TTLL5: variants seen among roughly 807,000 people sequenced by gnomAD.
TTLL5 encodes the protein tubulin polyglutamylase TTLL5.
TTLL5 carries 132 observed loss-of-function variants against 168.4 expected under a neutral mutation model. That is an observed-to-expected ratio of 0.78 (90% confidence interval 0.68 to 0.91). The LOEUF (loss-of-function observed/expected upper bound fraction) is 0.91, where lower values mean the gene tolerates loss of function less well. Among genes scored for constraint, TTLL5 ranks in the 40% least tolerant of loss-of-function variants. The pLI is 0.00. For missense variants in TTLL5, 1,545 were observed against 1,581.5 expected (o/e 0.98, Z 0.39); for synonymous variants, 546 against 558.6 (o/e 0.98, Z 0.32).
chr14:75,690,427 C>A, intron 6 of TTLL5, 105 bp downstream of exon 6: 1 of 1,374,144 alleles, frequency 7.3e-7, no homozygotes, highest in Non-Finnish European at 9.7e-7. Flanking sequence ...TTTCCAAATC[C>A]TTAGACAACT....
At chr14:75,943,794 T>A (rs1423441593) in intron 31 of TTLL5, among the ~76,000 whole-genome samples, 1 of 152,186 alleles carries the variant, frequency 6.6e-6, no homozygotes, top group African/African-American at 2.4e-5. Flanking sequence ...TTTTCTCATA[T>A]GTTTAGAGAA....
chr14:75,888,935 G>GAAAAAA (rs10680423), intron 30 of TTLL5, among the ~76,000 whole-genome samples: 6 of 145,572 alleles, frequency 4.1e-5, no homozygotes, highest in Admixed American at 4.1e-4. Flanking sequence ...GACTGTCTCC[G>GAAAAAA]AAAAAAAAAA....
intron 31 of TTLL5, among the ~76,000 whole-genome samples, chr14:75,914,033 A>AAAAATATATATATATAT: frequency 4.2e-5 from 3 of 71,100 alleles, no homozygotes; most frequent in African/African-American, 3.1e-4. Flanking sequence ...AAAAAAAAAA[A>AAAAATATATATATATAT]ATATATATAT....
chr14:75,720,474 G>A, intron 11 of TTLL5, 122 bp from the exon 12 acceptor site: 1 of 726,950 alleles, frequency 1.4e-6, no homozygotes, highest in Non-Finnish European at 2.3e-6. Context: ...TCAGAAGTCT[G>A]CCATATAGAG....
intron 28 of TTLL5, among the ~76,000 whole-genome samples, chr14:75,858,433 TTCTG>T (rs1243687723): frequency 1.3e-5 from 2 of 152,246 alleles, no homozygotes; most frequent in Admixed American, 6.5e-5. Context: ...CTTTTTAATA[TTCTG>T]TCTGACAAAA....
intron 18 of TTLL5, among the ~76,000 whole-genome samples, chr14:75,760,601 A>G (rs1221258862): frequency 1.3e-5 from 2 of 152,096 alleles, no homozygotes; most frequent in Admixed American, 6.5e-5. Context: ...GATATTGGCA[A>G]ACTGATCACA....
chr14:75,936,590 C>G (rs953472491), intron 31 of TTLL5, among the ~76,000 whole-genome samples: 10 of 152,154 alleles, frequency 6.6e-5, no homozygotes, highest in Non-Finnish European at 1.2e-4. Context: ...CAGCAGTGAC[C>G]ACAGAGTGAG....
intron 29 of TTLL5, among the ~76,000 whole-genome samples, chr14:75,874,906 A>T (rs1360570581): frequency 3.5e-5 from 5 of 144,662 alleles, no homozygotes; most frequent in Admixed American, 3.4e-4. Context: ...TGTTTGTGAC[A>T]CAGAGAAAAA....
intron 9 of TTLL5, chr14:75,711,436 AT>A (rs544805592): frequency 4.0e-4 from 61 of 152,322 alleles, no homozygotes; most frequent in African/African-American, 1.3e-3. Flanking sequence ...TGGATCCAGT[AT>A]TGGGTTTAGA....
intron 29 of TTLL5, among the ~76,000 whole-genome samples, chr14:75,873,530 A>T (rs1017317542): frequency 1.3e-5 from 2 of 152,134 alleles, no homozygotes; most frequent in Admixed American, 1.3e-4. Context: ...AGATTCTTTT[A>T]CTTAGCATAA....
At chr14:75,725,401 A>G (rs1040239688) in intron 12 of TTLL5, among the ~76,000 whole-genome samples, 1 of 152,178 alleles carries the variant, frequency 6.6e-6, no homozygotes, top group African/African-American at 2.4e-5. Flanking sequence ...TACAGAAGAA[A>G]CTTATGTAGG....
intron 29 of TTLL5, among the ~76,000 whole-genome samples, chr14:75,876,424 T>C (rs1048540435): frequency 6.6e-6 from 1 of 152,214 alleles, no homozygotes; most frequent in African/African-American, 2.4e-5. Context: ...CATCTGTCTT[T>C]GTATCCTTTA....
chr14:75,866,320 C>T (rs992191642), intron 29 of TTLL5, among the ~76,000 whole-genome samples: 1 of 152,004 alleles, frequency 6.6e-6, no homozygotes, highest in African/African-American at 2.4e-5. Context: ...CTGGGGTTAC[C>T]CTTTAGATAG....
chr14:75,681,965 G>A (rs1271311587), intron 4 of TTLL5, among the ~76,000 whole-genome samples: 2 of 152,040 alleles, frequency 1.3e-5, no homozygotes, highest in Non-Finnish European at 2.9e-5. Context: ...GAAATGGCAG[G>A]TGGATCCCAA....
At chr14:75,834,589 C>A (rs922814179) in intron 28 of TTLL5, among the ~76,000 whole-genome samples, 6 of 152,322 alleles carry the variant, frequency 3.9e-5, no homozygotes, top group Admixed American at 6.5e-5. Context: ...CCATCCCAGG[C>A]AGTCTAAATA....
At chr14:75,875,840 G>T (rs1054827439) in intron 29 of TTLL5, among the ~76,000 whole-genome samples, 1 of 152,192 alleles carries the variant, frequency 6.6e-6, no homozygotes. Flanking sequence ...AAATAAGTTT[G>T]TATATGCATA....
intron 30 of TTLL5, among the ~76,000 whole-genome samples, chr14:75,890,372 CA>C (rs1207737409): frequency 1.3e-4 from 20 of 152,062 alleles, no homozygotes; most frequent in African/African-American, 4.8e-4. Flanking sequence ...TAGTTTGGGT[CA>C]GGGGAACCCA....
At chr14:75,782,721 C>T (rs1892129430) in intron 25 of TTLL5, 148 bp downstream of exon 25, 1 of 747,268 alleles carries the variant, frequency 1.3e-6, no homozygotes, top group Non-Finnish European at 2.1e-6. Context: ...AGAATTTTCT[C>T]TTATCTATTG....
intron 21 of TTLL5, among the ~76,000 whole-genome samples, chr14:75,774,681 C>T (rs545701117): frequency 3.9e-5 from 6 of 152,048 alleles, no homozygotes; most frequent in African/African-American, 1.4e-4. Flanking sequence ...ACTATTTTCT[C>T]TTAATTTTCT....
Sources: allele counts gnomAD v4.1 joint callset (sites outside exome capture counted in the v4.1 genomes callset), GRCh38; gene constraint gnomAD v4.1.1; transcripts MANE v1.5; gene names NCBI Gene and HGNC (gene_info 2026-07-23, HGNC 2026-07-21).